ADAM8: variants seen among roughly 807,000 people sequenced by gnomAD.
ADAM8 encodes the protein disintegrin and metalloproteinase domain-containing protein 8.
ADAM8 carries 104 observed loss-of-function variants against 102.4 expected under a neutral mutation model. That is an observed-to-expected ratio of 1.02 (90% CI 0.87 to 1.20). ADAM8 has a LOEUF of 1.20. Among genes scored for constraint, ADAM8 ranks in the 50% most tolerant of loss-of-function variants. The pLI, the probability that ADAM8 is intolerant of heterozygous loss-of-function variation, is 0.00. For synonymous variants in ADAM8, 517 were observed against 485.2 expected (o/e 1.07, Z -0.86); for missense variants, 1,132 against 1,159.0 (o/e 0.98, Z 0.34).
In ADAM8 at chr10:133,276,788, GC is replaced by G; in HGVS notation, c.29del (p.Gly10AlafsTer3). The G allele has an allele frequency of 6.5e-7, 1 of 1,533,372 alleles. No individual in the cohort carries two copies. The highest frequency in any genetic ancestry group is 8.8e-7 in the Non-Finnish European group (1 of 1,142,392). 95.0% of individuals were successfully genotyped at this position (1,533,372 alleles called of 1,614,324 possible). A position where few individuals can be genotyped will look rare whatever the true frequency, so the allele number is the denominator to read the frequency against. ...ACCACTCACCAGGCAGCATCATCGCGCCCAGCAGCCAGAGCCCGAGGCCGCG... is the reference window on the plus strand; with the variant it reads ...ACCACTCACCAGGCAGCATCATCGCGCCAGCAGCCAGAGCCCGAGGCCGCG... MRGLGLWLL[G>X]AMMLPAIAPS... On this transcript the variant is annotated frameshift_variant, in exon 1 of 23. Coordinates refer to ENST00000445355, the MANE Select transcript of ADAM8 (RefSeq NM_001109.5). LOFTEE classifies it high-confidence loss of function.
In ADAM8 at chr10:133,271,399, C is replaced by A. The variant is rs1846519994; in HGVS notation, c.1285-110G>T. The A allele has an allele frequency of 2.0e-6, 3 of 1,482,078 alleles. No individual in the cohort carries two copies. In the South Asian group the frequency reaches 3.8e-5, roughly 19 times the overall value. The allele number at this position is 1,482,078 out of a possible 1,614,324, so 91.8% of individuals were successfully genotyped here. ...GGGGTGCCCTGCAGCCACTCCCTCCCTGTGACCGCTCTGGACACCCACAGA... is the reference window on the plus strand; with the variant it reads ...GGGGTGCCCTGCAGCCACTCCCTCCATGTGACCGCTCTGGACACCCACAGA... On this transcript the variant is annotated intron_variant, in intron 12 of 22. Coordinates refer to ENST00000445355, the MANE Select transcript of ADAM8 (RefSeq NM_001109.5).
At chr10:133,270,646 T>C in intron 15 of ADAM8, 90 bp downstream of exon 15, 4 of 1,539,756 alleles carry the variant, frequency 2.6e-6, no homozygotes, top group Admixed American at 1.8e-5. Context: ...CAGACCCTCA[T>C]GGGAGCAGGA....
rs779346703 is a variant in ADAM8, at chr10:133,270,458, G to A, written c.1687C>T (p.Arg563Cys). ...CACACATCCACGATGCAGATGGCAC[G>A]CCCCAGGGGCTGCTGCCCACCCTTG... ...QCKGGQQPLG[R>C]AICIVDVCHA... The change falls in exon 16 of 23, where the codon CGT (arginine) becomes TGT (cysteine). Residue 563 changes from arginine (R) to cysteine (C), a missense_variant. Arg to Cys is a radical substitution (Grantham distance 180, BLOSUM62 -3). Transcript: ENST00000445355. The A allele has an allele frequency of 5.6e-6, 9 of 1,604,680 alleles. No individual in the cohort carries two copies. The highest frequency in any genetic ancestry group is 1.7e-5 in the Admixed American group (1 of 59,846).
chr10:133,265,542 A>G (rs896638112), intron 21 of ADAM8, among the ~76,000 whole-genome samples: 2 of 152,214 alleles, frequency 1.3e-5, no homozygotes, highest in African/African-American at 4.8e-5. Context: ...CTGTAATCCC[A>G]GCACTTTGGG....
At chr10:133,274,603 C>T (rs984164510) in intron 2 of ADAM8, among the ~76,000 whole-genome samples, 8 of 152,054 alleles carry the variant, frequency 5.3e-5, no homozygotes, top group Admixed American at 6.5e-5. Flanking sequence ...CTCCTCGGTC[C>T]TCCCAGGCCT....
At chr10:133,268,382 T>C (rs1273928941) in intron 19 of ADAM8, among the ~76,000 whole-genome samples, 1 of 152,100 alleles carries the variant, frequency 6.6e-6, no homozygotes, top group Non-Finnish European at 1.5e-5. Context: ...GGGGGTCTCC[T>C]GCTGTGTGGG....
chr10:133,271,197 C>G lies in ADAM8; in HGVS notation c.1374+3G>C, dbSNP rs1846511968. 1.9e-6 allele frequency: 3 copies of G among 1,610,446 alleles called. No individual in the cohort carries two copies. The highest frequency in any genetic ancestry group is 2.5e-6 in the Non-Finnish European group (3 of 1,178,942). On this transcript the variant is annotated splice_donor_region_variant and intron_variant, in intron 13 of 22. Transcript: ENST00000445355. Reference sequence around the variant, plus strand: ...GGGGTCACTGGTGGGAGGCTGCACTCACCTTGCACTCCTGGCAGCAGGTAC... The same window carrying G: ...GGGGTCACTGGTGGGAGGCTGCACTGACCTTGCACTCCTGGCAGCAGGTAC...
intron 19 of ADAM8, 107 bp from the exon 20 acceptor site, chr10:133,268,225 C>T (rs1312034850): frequency 8.6e-6 from 9 of 1,052,428 alleles, no homozygotes; most frequent in African/African-American, 1.7e-5. Context: ...GGCTTCAGGG[C>T]GAGAGGTTGT....
chr10:133,273,347 C>T lies in ADAM8; in HGVS notation c.480G>A (p.Leu160=). The change falls in exon 6 of 23, where the codon CTG becomes CTA. Residue 160 remains leucine (L), a synonymous_variant. Transcript: ENST00000445355. The part of the protein sequence containing the change: ...GRHAVYQAEH[L]LQTAGTCGVS... ...CCCCGCAGGTCCCGGCCGTCTGCAG[C>T]AGGTGCTCAGCCTGGTACACGGCGT... 1.3e-6 allele frequency: 2 copies of T among 1,568,066 alleles called. No homozygotes were observed. Among genetic ancestry groups the T allele is most frequent in the Non-Finnish European group, 1.7e-6 (2 of 1,157,356 alleles).
chr10:133,271,027 C>T lies in ADAM8; in HGVS notation c.1418G>A (p.Cys473Tyr), dbSNP rs1846505372. 4 of 1,612,638 alleles carry T rather than the reference C, an allele frequency of 2.5e-6. No individual in the cohort carries two copies. Among genetic ancestry groups the T allele is most frequent in the Middle Eastern group, 1.6e-4 (1 of 6,082 alleles). ...GELCRPKKDM[C>Y]DLEEFCDGRH... ...GCCGTCACAGAACTCCTCGAGGTCA[C>T]ACATGTCCTTCTTGGGACGGCACAG... The change falls in exon 14 of 23, where the codon TGT (cysteine) becomes TAT (tyrosine). Residue 473 changes from cysteine to tyrosine, a missense_variant. Physicochemically the swap from Cys to Tyr is radical, Grantham distance 194. Transcript: ENST00000445355.
At position 133,269,496 on chromosome 10, in the gene ADAM8, C is replaced by A; in HGVS notation, c.1897G>T (p.Ala633Ser). 1 of 1,599,166 alleles carries A rather than the reference C, an allele frequency of 6.3e-7. No homozygotes were observed. Residue 633 changes from alanine (A) to serine (S), a missense_variant, in exon 18 of 23, where the codon GCG becomes TCG. By Grantham distance (99) the Ala-to-Ser change is moderately conservative. Transcript: ENST00000445355. ...GCGCAGTGGGGCGGGGCCCAGCCCG[C>A]GTGGCAGTGGCACTCCTGCTTGTGG... ...CNHKQECHCH[A>S]GWAPPHCAKL...
In ADAM8 at chr10:133,270,929, C is replaced by T. The variant is rs774885826; in HGVS notation, c.1516G>A (p.Gly506Arg). Residue 506 changes from glycine (G) to arginine (R), a missense_variant, in exon 14 of 23, where the codon GGG (glycine) becomes AGG (arginine). Coordinates refer to ENST00000445355, the MANE Select transcript of ADAM8 (RefSeq NM_001109.5). ...TPCSGGYCYNGACPTLAQQCQ... is the reference protein window; with the variant it reads ...TPCSGGYCYNRACPTLAQQCQ... ...TGCTGGGCCAGTGTGGGACAGGCCC[C>T]GTTGTAGCAGTAGCCCCCGGAGCAG... 13 of 1,612,612 alleles carry T rather than the reference C, an allele frequency of 8.1e-6. No homozygotes were observed. The highest frequency in any genetic ancestry group is 5.5e-5 in the South Asian group (5 of 91,080).
chr10:133,267,362 G>A lies in ADAM8; in HGVS notation c.2309C>T (p.Ala770Val), dbSNP rs1327667518. ...PFPVPVYTRQAPKQVIKPTFA... is the reference protein window; with the variant it reads ...PFPVPVYTRQVPKQVIKPTFA... ...ATCACCACTGCTCACCTGCTTTGGTGCCTGCCGGGTGTAGACAGGAACTGG... is the reference window on the plus strand; with the variant it reads ...ATCACCACTGCTCACCTGCTTTGGTACCTGCCGGGTGTAGACAGGAACTGG... The change falls in exon 21 of 23, where the codon GCA becomes GTA. Residue 770 changes from alanine to valine, a missense_variant. Coordinates refer to ENST00000445355, the MANE Select transcript of ADAM8 (RefSeq NM_001109.5). The A allele has an allele frequency of 1.2e-6, 2 of 1,609,000 alleles. No homozygotes were observed. Among genetic ancestry groups the A allele is most frequent in the African/African-American group, 2.7e-5 (2 of 74,912 alleles).
rs527802698 is a variant in ADAM8, at chr10:133,272,121, C to A, written c.957+72G>T. ...AGGGGAGGTGGCCTGCTCCAGAGAC[C>A]TGGACCGAGGCGTCCCCTCCCCTAT... On this transcript the variant is annotated intron_variant, in intron 10 of 22. Transcript: ENST00000445355. 39 of 1,517,534 alleles carry A rather than the reference C, an allele frequency of 2.6e-5. No homozygotes were observed. In the African/African-American group the frequency reaches 3.7e-4, roughly 15 times the overall value. 94.0% of individuals were successfully genotyped at this position (1,517,534 alleles called of 1,614,324 possible).
At position 133,263,631 on chromosome 10, in the gene ADAM8, G is replaced by GGAGGCCGTGCCACTGTCAGCCCCGTGGA; in HGVS notation, c.2397+56_2397+57insTCCACGGGGCTGACAGTGGCACGGCCTC. The GGAGGCCGTGCCACTGTCAGCCCCGTGGA allele has an allele frequency of 4.0e-6, 6 of 1,483,068 alleles. 1 individual carries two copies. In the South Asian group the frequency reaches 5.2e-5, roughly 13 times the overall value. The allele number at this position is 1,483,068 out of a possible 1,614,324, so 91.9% of individuals were successfully genotyped here. A position where few individuals can be genotyped will look rare whatever the true frequency, so the allele number is the denominator to read the frequency against. ...GGCAGTGCCACCGTCAGCCCCGTGG[G>GGAGGCCGTGCCACTGTCAGCCCCGTGGA]GAGGCCGTGCCGTCCATTGCACAGT... is the stretch of plus-strand genomic sequence containing the variant. On this transcript the variant is annotated intron_variant, in intron 22 of 22. Transcript: ENST00000445355.
rs1224340640 is a variant in ADAM8 at position 133,263,242 on chromosome 10, A to G, written c.2398-9T>C. The G allele has an allele frequency of 6.3e-7, 1 of 1,593,898 alleles. No individual in the cohort carries two copies. Among genetic ancestry groups the G allele is most frequent in the Non-Finnish European group, 8.6e-7 (1 of 1,169,422 alleles). On this transcript the variant is annotated splice_polypyrimidine_tract_variant and intron_variant, in intron 22 of 22. Transcript: ENST00000445355. Reference sequence around the variant, plus strand: ...TTTGGGCCAACAGCACCCTGGGAGGAGGAAAAGATAATTGATGTTGAAAAA... The same window carrying G: ...TTTGGGCCAACAGCACCCTGGGAGGGGGAAAAGATAATTGATGTTGAAAAA...
In ADAM8 at chr10:133,270,814, C is replaced by A. The variant is rs778889738; in HGVS notation, c.1565-9G>T. The A allele has an allele frequency of 5.6e-6, 9 of 1,608,268 alleles. No homozygotes were observed. In the Admixed American group the frequency reaches 1.3e-4, roughly 24 times the overall value. ...CTCGGCAGCCTGCCCACCTGTGGGA[C>A]CAGAAGCGGGTTAGCCCTGGCAAGG... On this transcript the variant is annotated splice_polypyrimidine_tract_variant and intron_variant, in intron 14 of 22. Coordinates refer to ENST00000445355, the MANE Select transcript of ADAM8 (RefSeq NM_001109.5).
Position 133,263,710 on chromosome 10 carries a change from G to C in ADAM8, c.2375C>G (p.Ala792Gly). The C allele has an allele frequency of 1.3e-6, 2 of 1,544,546 alleles. No homozygotes were observed. The highest frequency in any genetic ancestry group is 2.4e-5 in the South Asian group (2 of 82,650). The change falls in exon 22 of 23, where the codon GCG becomes GGG. Residue 792 changes from alanine (A) to glycine (G), a missense_variant. By Grantham distance (60) the Ala-to-Gly change is moderately conservative. Transcript: ENST00000445355. ...CACCTCAGCTGGACCAGGGTTGGCC[G>C]CACCAGCCCCGGGTTTGACTGGGGG... ...PVPPVKPGAG[A>G]ANPGPAEGAV...
chr10:133,275,083 G>C (rs533510779), intron 2 of ADAM8: 2 of 289,078 alleles, frequency 6.9e-6, no homozygotes, highest in East Asian at 2.6e-4. Flanking sequence ...GCCCCAGTCG[G>C]GGAGGGGGGC....
Sources: allele counts gnomAD v4.1 joint callset (sites outside exome capture counted in the v4.1 genomes callset), GRCh38; gene constraint gnomAD v4.1.1; transcripts MANE v1.5; gene names NCBI Gene and HGNC (gene_info 2026-07-23, HGNC 2026-07-21).